Variants in FGD5 observed in about 807,000 individuals in gnomAD.
FGD5 encodes the protein FYVE, RhoGEF and PH domain-containing protein 5.
Under a neutral mutation model 133.4 loss-of-function variants are expected in FGD5, and 28 were observed. The ratio of observed to expected loss-of-function variants is 0.21; its 90% CI spans 0.16 to 0.29. The LOEUF is 0.29. Ranked by LOEUF, FGD5 falls within the 10% of genes least tolerant of loss-of-function variation. The pLI, the probability that FGD5 is intolerant of heterozygous loss-of-function variation, is 1.00. For synonymous variants in FGD5, 810 were observed against 776.5 expected (o/e 1.04, Z -0.72); for missense variants, 1,858 against 1,895.2 (o/e 0.98, Z 0.36).
chr3:14,923,981 C>T (rs2038737750), intron 16 of FGD5, 27 bp from the exon 17 acceptor site: 1 of 1,613,486 alleles, frequency 6.2e-7, no homozygotes. Context: ...TCTCACCTCC[C>T]TTCCATGTGG....
In FGD5 at chr3:14,820,636, C is replaced by T. The variant is rs532000328; in HGVS notation, c.1565C>T (p.Thr522Met). ...GGTGCCGCAGAGGAGGTGGGAAAGACGCTTTTGTCATTGGAGGGGAAGCCC... is the reference window on the plus strand; with the variant it reads ...GGTGCCGCAGAGGAGGTGGGAAAGATGCTTTTGTCATTGGAGGGGAAGCCC... ...IGGAAEEVGKTLLSLEGKPLE... is the reference protein window; with the variant it reads ...IGGAAEEVGKMLLSLEGKPLE... Residue 522 changes from threonine (T) to methionine (M), a missense_variant, in exon 1 of 20, where the codon ACG becomes ATG. Transcript: ENST00000285046. 2.1e-5 allele frequency: 34 copies of T among 1,603,198 alleles called. No homozygotes were observed. The highest frequency in any genetic ancestry group is 6.7e-5 in the African/African-American group (5 of 74,618).
chr3:14,857,224 C>T lies in FGD5; in HGVS notation c.2526-6904C>T, dbSNP rs576927862. On this transcript the variant is annotated intron_variant, in intron 1 of 19. Coordinates refer to ENST00000285046, the MANE Select transcript of FGD5 (RefSeq NM_152536.4). ...AGGCTGCTGGAGTGCAGTGGTGTGACCAGCAGCCTCCACCCCCCCAGGCTC... is the reference window on the plus strand; with the variant it reads ...AGGCTGCTGGAGTGCAGTGGTGTGATCAGCAGCCTCCACCCCCCCAGGCTC... 2.0e-5 allele frequency among the ~76,000 whole-genome samples: 3 copies of T among 151,120 alleles called. No individual in the cohort carries two copies. In the South Asian group the frequency reaches 6.3e-4, roughly 32 times the overall value.
intron 1 of FGD5, among the ~76,000 whole-genome samples, chr3:14,833,338 G>T (rs530113975): frequency 6.6e-6 from 1 of 152,208 alleles, no homozygotes; most frequent in African/African-American, 2.4e-5. Context: ...AAAATCTCCA[G>T]GTCAAGGCAT....
At chr3:14,927,105 A>G (rs1255076012) in intron 18 of FGD5, among the ~76,000 whole-genome samples, 2 of 152,168 alleles carry the variant, frequency 1.3e-5, no homozygotes, top group African/African-American at 4.8e-5. Context: ...TTGGAGCCAT[A>G]CTTAAACACT....
intron 6 of FGD5, 31 bp downstream of exon 6, chr3:14,898,126 G>C: frequency 6.2e-7 from 1 of 1,612,992 alleles, no homozygotes; most frequent in African/African-American, 1.3e-5. Context: ...AGACCCTGCT[G>C]TAAGGATGCA....
At chr3:14,862,670 G>T (rs139648795) in intron 1 of FGD5, among the ~76,000 whole-genome samples, 233 of 152,342 alleles carry the variant, frequency 1.5e-3, no homozygotes, top group Non-Finnish European at 2.7e-3. Flanking sequence ...AAAGGAAGAA[G>T]AAAGAGGTCT....
At chr3:14,873,766 G>A (rs1209126615) in intron 2 of FGD5, among the ~76,000 whole-genome samples, 1 of 150,300 alleles carries the variant, frequency 6.7e-6, no homozygotes, top group Non-Finnish European at 1.5e-5. Flanking sequence ...CTGTCACCCA[G>A]GCTGGAGTGT....
rs372461213 is a variant in FGD5, at chr3:14,922,494, C to T, written c.3753C>T (p.Cys1251=). Residue 1251 remains cysteine (C), a synonymous_variant, in exon 15 of 20, where the codon TGC becomes TGT. Transcript: ENST00000285046. The surrounding 1 kb of genome is among the most constrained non-coding windows in gnomAD (Gnocchi z 4.1). ...CACACGTCATGATGTGCATGAACTG[C>T]GGCTGCGACTTCTCCCTCACCCTGC... The part of the protein sequence containing the change: ...PVTHVMMCMN[C]GCDFSLTLRR... 92 of 1,582,216 alleles carry T rather than the reference C, an allele frequency of 5.8e-5. No individual in the cohort carries two copies. The African/African-American group carries it at 9.6e-4, about 16-fold the overall frequency.
rs774694169 is a variant in FGD5 at position 14,898,012 on chromosome 3, C to T, written c.2983C>T (p.Leu995=). The part of the protein sequence containing the change: ...QGFDHHATHI[L]QFDRYLGLLS... ...GTTTGATCACCACGCCACTCACATC[C>T]TGCAGTTCGACAGGTACCTAGGTCT... Residue 995 remains leucine, a synonymous_variant, in exon 6 of 20, where the codon CTG becomes TTG. Transcript: ENST00000285046. 5 of 1,613,998 alleles carry T rather than the reference C, an allele frequency of 3.1e-6. No homozygotes were observed. The highest frequency in any genetic ancestry group is 1.3e-5 in the African/African-American group (1 of 75,032).
At chr3:14,912,463 C>T (rs1034511584) in intron 11 of FGD5, among the ~76,000 whole-genome samples, 6 of 152,198 alleles carry the variant, frequency 3.9e-5, no homozygotes, top group Non-Finnish European at 5.9e-5. Context: ...GAGAGCCAAG[C>T]AGTGCGTGGT....
At chr3:14,912,761 G>A (rs1559503534) in intron 11 of FGD5, among the ~76,000 whole-genome samples, 1 of 152,174 alleles carries the variant, frequency 6.6e-6, no homozygotes. Flanking sequence ...TCTTGGCCAG[G>A]CACGGTGGCT....
chr3:14,926,995 T>C (rs1553632668), intron 18 of FGD5, among the ~76,000 whole-genome samples: 1 of 152,198 alleles, frequency 6.6e-6, no homozygotes, highest in Non-Finnish European at 1.5e-5. Context: ...CTTCCTTCTT[T>C]GGGGCATGAA....
At chr3:14,860,668 G>A (rs999845543) in intron 1 of FGD5, among the ~76,000 whole-genome samples, 1 of 152,058 alleles carries the variant, frequency 6.6e-6, no homozygotes, top group African/African-American at 2.4e-5. Flanking sequence ...ATAATTATAC[G>A]GTTTATTTTA....
chr3:14,819,234 A>G lies in FGD5; in HGVS notation c.163A>G (p.Lys55Glu). 6.5e-7 allele frequency: 1 copy of G among 1,545,772 alleles called. No homozygotes were observed. The change falls in exon 1 of 20, where the codon AAG becomes GAG. Residue 55 changes from lysine (K) to glutamate (E), a missense_variant. Physicochemically the swap from Lys to Glu is moderately conservative, Grantham distance 56 (BLOSUM62 1). This residue lies in a region of FGD5 where 1,824 missense variants were observed against 1,848.9 expected (regional missense o/e 0.99). Transcript: ENST00000285046. This position sits in a 1 kb window ranked among gnomAD's most constrained non-coding sequence, Gnocchi z 4.1. ...GLDEGPRSIP[K>E]CSESETDEDY... The stretch of plus-strand genomic sequence containing the variant: ...TGATGAGGGGCCCCGGTCCATCCCA[A>G]AGTGCTCTGAGTCGGAGACCGACGA...
chr3:14,923,254 T>C (rs1245467974), intron 16 of FGD5, 79 bp downstream of exon 16: 2 of 1,532,572 alleles, frequency 1.3e-6, no homozygotes, highest in Non-Finnish European at 1.8e-6. Context: ...CTGTGGTCCA[T>C]GGTTCATGCC....
rs1344606341 is a variant in FGD5 at position 14,922,965 on chromosome 3, G to A, written c.3808-81G>A. The A allele has an allele frequency of 6.3e-7, 1 of 1,589,600 alleles. No individual in the cohort carries two copies. The highest frequency in any genetic ancestry group is 1.7e-5 in the Admixed American group (1 of 59,646). On this transcript the variant is annotated intron_variant, in intron 15 of 19. Transcript: ENST00000285046. The surrounding 1 kb of genome is among the most constrained non-coding windows in gnomAD (Gnocchi z 4.1). ...CCTAGGGGCAGTTGTGGGTGGATTAGCAGAGGGAGCGGAGGGGAGGGGTGC... is the reference window on the plus strand; with the variant it reads ...CCTAGGGGCAGTTGTGGGTGGATTAACAGAGGGAGCGGAGGGGAGGGGTGC...
intron 2 of FGD5, among the ~76,000 whole-genome samples, chr3:14,872,503 AG>A (rs1271522331): frequency 2.6e-5 from 4 of 152,092 alleles, no homozygotes; most frequent in African/African-American, 9.7e-5. Context: ...TGAGGGAGGG[AG>A]GGGTAAGACA....
At chr3:14,925,984 G>A in intron 17 of FGD5, 86 bp from the exon 18 acceptor site, 1 of 1,555,328 alleles carries the variant, frequency 6.4e-7, no homozygotes, top group Admixed American at 1.8e-5. Context: ...CAGCCAAATG[G>A]TTTGCAGTGT....
chr3:14,875,969 C>CA (rs1362592359), intron 2 of FGD5, among the ~76,000 whole-genome samples: 1 of 152,130 alleles, frequency 6.6e-6, no homozygotes, highest in African/African-American at 2.4e-5. Flanking sequence ...AAAGGACTGG[C>CA]AGAGACCAGT....
Sources: gnomAD v4.1 joint callset for allele counts (sites outside exome capture counted in the v4.1 genomes callset) on GRCh38, gnomAD v4.1.1 for gene constraint, gnomAD v4.1.1 regional missense constraint, Gnocchi (gnomAD v3.1) non-coding constraint, MANE v1.5 for transcripts, NCBI Gene and HGNC (gene_info 2026-07-23, HGNC 2026-07-21) for gene names.